The following WRAP73 variants were observed in gnomAD, a reference collection of about 807,000 sequenced individuals.
WRAP73 encodes the protein WD repeat-containing protein WRAP73.
In WRAP73, 55 loss-of-function variants were observed where a neutral mutation model predicts 59.6. The ratio of observed to expected loss-of-function variants is 0.92; its 90% CI spans 0.74 to 1.15. The LOEUF is 1.15. Ranked by LOEUF, WRAP73 falls within the 50% of genes most tolerant of loss-of-function variation. The probability of loss-of-function intolerance (pLI) is 0.00; values close to 1 mark genes in which losing one functional copy is unlikely to be tolerated. For missense variants in WRAP73, 592 were observed against 608.1 expected (o/e 0.97, Z 0.28); for synonymous variants, 265 against 258.2 (o/e 1.03, Z -0.25).
chr1:3,647,666 C>T, intron 1 of WRAP73, 106 bp from the exon 2 acceptor site: 3 of 1,286,316 alleles, frequency 2.3e-6, no homozygotes, highest in Non-Finnish European at 3.2e-6. Flanking sequence ...TTCTCTCCTG[C>T]CAGAGGTTTC....
rs748254778 is a variant in WRAP73 at position 3,635,017 on chromosome 1, C to G, written c.796G>C (p.Ala266Pro). Residue 266 changes from alanine to proline, a missense_variant, in exon 8 of 12, where the codon GCC becomes CCC. Coordinates refer to ENST00000270708, the MANE Select transcript of WRAP73 (RefSeq NM_017818.4). ...KMITEFGHPA[A>P]INDPKIVVYK... ...CTTACTATCTTGGGATCATTAATGG[C>G]TGCAGGATGCCCAAACTCCGTGATC... The G allele has an allele frequency of 1.9e-6, 3 of 1,614,228 alleles. No individual in the cohort carries two copies.
rs1313553789 is a variant in WRAP73 at position 3,639,460 on chromosome 1, C to G, written c.340-638G>C. 1.3e-5 allele frequency: 2 copies of G among 152,408 alleles called. No homozygotes were observed. Among genetic ancestry groups the G allele is most frequent in the African/African-American group, 4.8e-5 (2 of 41,468 alleles). The allele number at this position is 152,408 out of a possible 1,614,324, so 9.4% of individuals were successfully genotyped here. On this transcript the variant is annotated intron_variant, in intron 3 of 11. Coordinates refer to ENST00000270708, the MANE Select transcript of WRAP73 (RefSeq NM_017818.4). This position sits in a 1 kb window ranked among gnomAD's most constrained non-coding sequence, Gnocchi z 4.3. ...CACAGTGAGGCCAAAAGATGATTTT[C>G]TAACCAGGCCGACGAGGGCGTGCCT...
rs1428103601 is a variant in WRAP73 at position 3,631,107 on chromosome 1, T to C, written c.1251A>G (p.Ala417=). The C allele has an allele frequency of 6.2e-7, 1 of 1,613,326 alleles. No homozygotes were observed. Among genetic ancestry groups the C allele is most frequent in the South Asian group, 1.1e-5 (1 of 91,088 alleles). The change falls in exon 12 of 12, where the codon GCA becomes GCG. Residue 417 remains alanine (A), a synonymous_variant. Transcript: ENST00000270708. The stretch of plus-strand genomic sequence containing the variant: ...TTAAATGCCAGCACAGAGAGAGCAC[T>C]GCAAAGTCGCCTAGAGAGAGACAGG... The part of the protein sequence containing the change: ...SVQVPGEGDF[A]VLSLCWHLSG...
Position 3,649,985 on chromosome 1 carries a change from C to G in WRAP73, c.15G>C (p.Glu5Asp). Reference protein sequence around the residue: MNFSEVFKLSSLLCK... With the variant: MNFSDVFKLSSLLCK... ...AGAGTAAGCTGGAGAGCTTGAATAC[C>G]TCGGAGAAGTTCATGGCCGCCGCCT... Residue 5 changes from glutamate (E) to aspartate (D), a missense_variant, in exon 1 of 12, where the codon GAG becomes GAC. Transcript: ENST00000270708. 6.3e-7 allele frequency: 1 copy of G among 1,598,936 alleles called. No individual in the cohort carries two copies. Among genetic ancestry groups the G allele is most frequent in the Non-Finnish European group, 8.5e-7 (1 of 1,174,478 alleles).
chr1:3,635,540 G>A (rs1644581719), intron 6 of WRAP73: 1 of 572,876 alleles, frequency 1.7e-6, no homozygotes, highest in East Asian at 3.1e-5. Flanking sequence ...GTTCAACTCG[G>A]CCGGGCACTG....
chr1:3,633,063 G>C (rs1644554116), intron 9 of WRAP73: 1 of 319,462 alleles, frequency 3.1e-6, no homozygotes, highest in South Asian at 2.7e-5. Context: ...GCACCGCCGG[G>C]TTCCAGACCC....
chr1:3,648,982 T>C (rs902053428), intron 1 of WRAP73, among the ~76,000 whole-genome samples: 1 of 152,216 alleles, frequency 6.6e-6, no homozygotes, highest in Non-Finnish European at 1.5e-5. Context: ...AGCACAGGAA[T>C]GTCAGGAGTG....
At chr1:3,643,125 G>A (rs1240693558) in intron 3 of WRAP73, among the ~76,000 whole-genome samples, 1 of 152,232 alleles carries the variant, frequency 6.6e-6, no homozygotes, top group Non-Finnish European at 1.5e-5. Flanking sequence ...ACTGAATGGC[G>A]TTCCTCACGA....
intron 3 of WRAP73, among the ~76,000 whole-genome samples, chr1:3,640,173 C>G (rs933485194): frequency 6.6e-6 from 1 of 152,234 alleles, no homozygotes; most frequent in Non-Finnish European, 1.5e-5. Flanking sequence ...TGTGCTGATG[C>G]TGAACCCGAA....
At chr1:3,635,840 G>A (rs1557456774) in intron 6 of WRAP73, 104 bp downstream of exon 6, 1 of 1,003,434 alleles carries the variant, frequency 1.0e-6, no homozygotes, top group African/African-American at 1.6e-5. Context: ...AGCTCAACTT[G>A]TTATCTGAAA....
At chr1:3,631,946 G>A in intron 10 of WRAP73, 2 of 1,394,538 alleles carry the variant, frequency 1.4e-6, no homozygotes, top group South Asian at 3.3e-5. Flanking sequence ...GCGGGCTGCA[G>A]TGTGCCCAGC....
intron 1 of WRAP73, among the ~76,000 whole-genome samples, chr1:3,649,480 A>G (rs1481442288): frequency 1.3e-5 from 2 of 152,172 alleles, no homozygotes; most frequent in East Asian, 3.9e-4. Flanking sequence ...CATCTCCTAT[A>G]CCCTCACCTG....
intron 5 of WRAP73, 127 bp from the exon 6 acceptor site, chr1:3,636,157 T>C: frequency 1.4e-6 from 1 of 706,318 alleles, no homozygotes; most frequent in South Asian, 1.7e-5. Flanking sequence ...TCTCAACAGC[T>C]CTATCCTGGA....
chr1:3,635,409 G>C, intron 6 of WRAP73, 115 bp from the exon 7 acceptor site: 1 of 1,426,278 alleles, frequency 7.0e-7, no homozygotes, highest in South Asian at 1.3e-5. Context: ...TGGCAGGACT[G>C]TCCGCGTGGC....
At chr1:3,634,192 C>G (rs993446501) in intron 8 of WRAP73, 2 of 153,440 alleles carry the variant, frequency 1.3e-5, no homozygotes, top group Admixed American at 1.3e-4. Context: ...AACACCCTTT[C>G]TGCCCAGACA....
chr1:3,647,304 C>G, intron 2 of WRAP73, 104 bp downstream of exon 2: 1 of 1,267,662 alleles, frequency 7.9e-7, no homozygotes, highest in Non-Finnish European at 1.0e-6. Context: ...TGGCTTTGAG[C>G]TGCACGGACT....
chr1:3,645,432 C>T (rs12730278), intron 3 of WRAP73, among the ~76,000 whole-genome samples: 11,992 of 90,888 alleles, frequency 0.13, 1,488 homozygotes, highest in East Asian at 0.36. Flanking sequence ...CGCAGCGGGA[C>T]GGGCGGGTTG....
Position 3,639,019 on chromosome 1 carries a change from TC to T in WRAP73, c.340-198del, listed in dbSNP as rs1174474332. The T allele has an allele frequency of 1.8e-6, 1 of 565,504 alleles. No individual in the cohort carries two copies. The allele number at this position is 565,504 out of a possible 1,614,324, so 35.0% of individuals were successfully genotyped here. The stretch of plus-strand genomic sequence containing the variant: ...ACTGTGGTTACGGTAAATTTGGTGT[TC>T]TTGGTTTTCTGTTGTTGTTGTTTTA... On this transcript the variant is annotated intron_variant, in intron 3 of 11. Transcript: ENST00000270708. The surrounding 1 kb of genome is among the most constrained non-coding windows in gnomAD (Gnocchi z 4.3).
At position 3,650,063 on chromosome 1, in the gene WRAP73, C is replaced by G; in HGVS notation, c.-64G>C. Reference sequence around the variant, plus strand: ...ACCCGCGGGACCCCTGGGCGCGCAGCAGGCTGCAACAGCCGACGCCGGCCT... The same window carrying G: ...ACCCGCGGGACCCCTGGGCGCGCAGGAGGCTGCAACAGCCGACGCCGGCCT... On this transcript the variant is annotated 5_prime_UTR_variant, in exon 1 of 12. Transcript: ENST00000270708. 2.3e-6 allele frequency: 1 copy of G among 439,476 alleles called. No homozygotes were observed. The highest frequency in any genetic ancestry group is 3.4e-6 in the Non-Finnish European group (1 of 298,260). 27.2% of individuals were successfully genotyped at this position (439,476 alleles called of 1,614,324 possible).
Sources: gnomAD v4.1 joint callset for allele counts (sites outside exome capture counted in the v4.1 genomes callset) on GRCh38, gnomAD v4.1.1 for gene constraint, Gnocchi (gnomAD v3.1) non-coding constraint, MANE v1.5 for transcripts, NCBI Gene and HGNC (gene_info 2026-07-23, HGNC 2026-07-21) for gene names.